Variants in LRCH3 observed in about 807,000 individuals in gnomAD.
The protein encoded by LRCH3 is leucine rich repeats and calponin homology domain containing 3, also known as DISP complex protein LRCH3.
LRCH3 carries 68 observed loss-of-function variants against 104.5 expected under a neutral mutation model. That is an observed-to-expected ratio of 0.65 (90% confidence interval 0.54 to 0.80). LRCH3 has a LOEUF of 0.80. Ranked by LOEUF, LRCH3 falls within the 30% of genes least tolerant of loss-of-function variation. The probability of loss-of-function intolerance (pLI) is 0.00; values close to 1 mark genes in which losing one functional copy is unlikely to be tolerated. For synonymous variants in LRCH3, 344 were observed against 361.3 expected, an observed-to-expected ratio of 0.95 and a Z score of 0.54; for missense variants, 951 against 953.9, an observed-to-expected ratio of 1.00 and a Z score of 0.04.
rs748355365 is a variant in LRCH3, at chr3:197,829,701, CAT to C, written c.887+31_887+32del. On this transcript the variant is annotated intron_variant, in intron 6 of 20. Coordinates refer to ENST00000425562, the MANE Select transcript of LRCH3 (RefSeq NM_001365715.1). ...AAGTATATTCTGTCCCTTTATCTAT[CAT>C]ATTTTTTGTACAGAGAATCAAATAA... The C allele has an allele frequency of 2.7e-6, 4 of 1,467,228 alleles. No homozygotes were observed. The Admixed American group carries it at 6.3e-5, about 23-fold the overall frequency. The allele number at this position is 1,467,228 out of a possible 1,614,324, so 90.9% of individuals were successfully genotyped here. A position where few individuals can be genotyped will look rare whatever the true frequency, so the allele number is the denominator to read the frequency against.
intron 1 of LRCH3, among the ~76,000 whole-genome samples, chr3:197,803,602 T>C (rs1446966758): frequency 6.6e-6 from 1 of 151,320 alleles, no homozygotes; most frequent in Non-Finnish European, 1.5e-5. Context: ...GAGGTGGAGG[T>C]TGCAGTGAGC....
intron 10 of LRCH3, among the ~76,000 whole-genome samples, chr3:197,847,184 A>T (rs978239882): frequency 6.6e-6 from 1 of 152,244 alleles, no homozygotes; most frequent in African/African-American, 2.4e-5. Context: ...TAGACAGTTG[A>T]TACCACATGA....
chr3:197,841,354 C>A (rs774789337), intron 10 of LRCH3, among the ~76,000 whole-genome samples: 6 of 152,192 alleles, frequency 3.9e-5, no homozygotes, highest in Non-Finnish European at 8.8e-5. Context: ...TTCTTCATGG[C>A]TCCCTCCATC....
chr3:197,802,912 C>G (rs1008128223), intron 1 of LRCH3, among the ~76,000 whole-genome samples: 15 of 152,014 alleles, frequency 9.9e-5, no homozygotes, highest in African/African-American at 3.6e-4. Flanking sequence ...CAGTGGGGAC[C>G]CTGGGAGTTT....
At chr3:197,860,609 T>C (rs1269299110) in intron 15 of LRCH3, among the ~76,000 whole-genome samples, 2 of 146,472 alleles carry the variant, frequency 1.4e-5, no homozygotes, top group Non-Finnish European at 3.0e-5. Context: ...TTTTTTTTTT[T>C]ACTTTTTAAT....
intron 5 of LRCH3, among the ~76,000 whole-genome samples, chr3:197,828,181 A>C (rs1293946959): frequency 6.6e-6 from 1 of 151,968 alleles, no homozygotes; most frequent in East Asian, 1.9e-4. Context: ...TAACCTTCCT[A>C]ATTCTAAAGT....
At chr3:197,806,846 C>A (rs1732544078) in intron 1 of LRCH3, among the ~76,000 whole-genome samples, 1 of 151,384 alleles carries the variant, frequency 6.6e-6, no homozygotes, top group Non-Finnish European at 1.5e-5. Flanking sequence ...GCCACTGCAT[C>A]CGGCTCCTGA....
intron 2 of LRCH3, 131 bp from the exon 3 acceptor site, chr3:197,817,045 G>C (rs1733880962): frequency 5.5e-6 from 4 of 728,158 alleles, no homozygotes; most frequent in South Asian, 2.2e-5. Context: ...ACGAAGGCTA[G>C]AACTCCAGTA....
intron 11 of LRCH3, 55 bp downstream of exon 11, chr3:197,847,515 TC>T: frequency 6.8e-7 from 1 of 1,470,038 alleles, no homozygotes; most frequent in Non-Finnish European, 9.2e-7. Flanking sequence ...TGATTTTTTT[TC>T]TTTTATAATA....
At chr3:197,803,661 TAAAA>T (rs1231318383) in intron 1 of LRCH3, among the ~76,000 whole-genome samples, 1 of 142,866 alleles carries the variant, frequency 7.0e-6, no homozygotes, top group African/African-American at 2.6e-5. Context: ...TGAGACTGTT[TAAAA>T]AAAAAAAAAG....
intron 3 of LRCH3, among the ~76,000 whole-genome samples, chr3:197,819,640 C>T (rs746407920): frequency 6.6e-6 from 1 of 151,646 alleles, no homozygotes; most frequent in African/African-American, 2.4e-5. Flanking sequence ...TGCTGGAACC[C>T]GAGAGACGGA....
intron 1 of LRCH3, among the ~76,000 whole-genome samples, chr3:197,806,997 C>T (rs1042134979): frequency 4.0e-5 from 6 of 150,626 alleles, no homozygotes; most frequent in Admixed American, 6.6e-5. Flanking sequence ...TGTGATTGCA[C>T]CACTGCACCC....
In LRCH3 at chr3:197,870,200, T is replaced by G; in HGVS notation, c.1914T>G (p.Thr638=). The change falls in exon 18 of 21, where the codon ACT becomes ACG. Residue 638 remains threonine, a synonymous_variant. Coordinates refer to ENST00000425562, the MANE Select transcript of LRCH3 (RefSeq NM_001365715.1). ...SPLPPSAAPT[T]DSTDSITGQN... ...TTCCTCCATCTGCTGCACCTACCAC[T>G]GATTCTACAGATTCCATAACAGGAC... 1 of 1,613,048 alleles carries G rather than the reference T, an allele frequency of 6.2e-7. No homozygotes were observed. The highest frequency in any genetic ancestry group is 8.5e-7 in the Non-Finnish European group (1 of 1,179,064).
intron 1 of LRCH3, among the ~76,000 whole-genome samples, chr3:197,797,428 G>A (rs2109098186): frequency 6.6e-6 from 1 of 151,508 alleles, no homozygotes; most frequent in South Asian, 2.1e-4. Flanking sequence ...TTGGAGGAAG[G>A]ACGTAGAGAA....
intron 12 of LRCH3, chr3:197,850,682 C>T: frequency 1.3e-6 from 2 of 1,500,092 alleles, no homozygotes; most frequent in South Asian, 1.1e-5. Flanking sequence ...GCACGTGCAG[C>T]AAAAATTCAG....
At chr3:197,830,532 A>G (rs1295493947) in intron 6 of LRCH3, among the ~76,000 whole-genome samples, 1 of 152,200 alleles carries the variant, frequency 6.6e-6, no homozygotes, top group Non-Finnish European at 1.5e-5. Context: ...TGGACGAACA[A>G]GAATTGCAGA....
chr3:197,865,537 AT>A, intron 16 of LRCH3, 66 bp downstream of exon 16: 3 of 1,049,496 alleles, frequency 2.9e-6, no homozygotes, highest in Non-Finnish European at 4.0e-6. Context: ...TATTTAAAAA[AT>A]AATAATAAAT....
At chr3:197,828,829 T>C (rs991858638) in intron 5 of LRCH3, among the ~76,000 whole-genome samples, 2 of 148,508 alleles carry the variant, frequency 1.3e-5, no homozygotes, top group African/African-American at 5.0e-5. Context: ...TGCCTCAGCC[T>C]CCCGAGTAGC....
chr3:197,867,497 C>T (rs1406030145), intron 17 of LRCH3, among the ~76,000 whole-genome samples: 2 of 151,100 alleles, frequency 1.3e-5, no homozygotes, highest in Non-Finnish European at 2.9e-5. Context: ...TAGATGGGAT[C>T]ACTTGAGCTC....
Sources: gnomAD v4.1 joint callset for allele counts (sites outside exome capture counted in the v4.1 genomes callset) on GRCh38, gnomAD v4.1.1 for gene constraint, MANE v1.5 for transcripts, NCBI Gene and HGNC (gene_info 2026-07-23, HGNC 2026-07-21) for gene names.